Variants in TTC34 observed in about 807,000 individuals in gnomAD.
The protein encoded by TTC34 is tetratricopeptide repeat protein 34.
Under a neutral mutation model 40.7 loss-of-function variants are expected in TTC34, and 44 were observed. The ratio of observed to expected loss-of-function variants is 1.08; its 90% CI spans 0.85 to 1.39. The LOEUF (loss-of-function observed/expected upper bound fraction) is 1.39. TTC34 is among the 40% of genes most tolerant of loss of function. The pLI is 0.00. For missense variants in TTC34, 884 were observed against 838.0 expected, an observed-to-expected ratio of 1.05 and a Z score of -0.68; for synonymous variants, 422 against 398.6, an observed-to-expected ratio of 1.06 and a Z score of -0.70.
intron 6 of TTC34, among the ~76,000 whole-genome samples, chr1:2,683,585 A>C (rs1271828111): frequency 4.1e-5 from 2 of 49,380 alleles, no homozygotes; most frequent in Non-Finnish European, 1.0e-4. Context: ...CTGGAACAGC[A>C]CCCACACACT....
Position 2,755,001 on chromosome 1 carries a change from C to A in TTC34, c.2226+28608G>T, listed in dbSNP as rs1257508305. 4.5e-5 allele frequency among the ~76,000 whole-genome samples: 3 copies of A among 66,008 alleles called. 1 individual carries two copies. Among genetic ancestry groups the A allele is most frequent in the African/African-American group, 1.4e-4 (1 of 7,386 alleles). 43.3% of individuals were successfully genotyped at this position (66,008 alleles called of 152,430 possible). On this transcript the variant is annotated intron_variant, in intron 6 of 8. Transcript: ENST00000401095. Reference sequence around the variant, plus strand: ...ACACCCCCAGGCGAGCATCTCACAGCACGTAACAGCACCCACACACCCAAG... The same window carrying A: ...ACACCCCCAGGCGAGCATCTCACAGAACGTAACAGCACCCACACACCCAAG...
intron 6 of TTC34, among the ~76,000 whole-genome samples, chr1:2,687,537 C>A (rs1446242370): frequency 6.8e-6 from 1 of 146,792 alleles, no homozygotes; most frequent in African/African-American, 2.7e-5. Context: ...CCCAGGTGAG[C>A]ATCTGACAGC....
At chr1:2,751,401 C>CAA in intron 6 of TTC34, among the ~76,000 whole-genome samples, 1 of 148,328 alleles carries the variant, frequency 6.7e-6, no homozygotes, top group Admixed American at 6.8e-5. Flanking sequence ...GGAGCAGCAC[C>CAA]CACACACACA....
At position 2,751,294 on chromosome 1, in the gene TTC34, T is replaced by G. The variant is rs1254972590; in HGVS notation, c.2226+32315A>C. ...CTGGAACAGCACCCACACACCCAGG[T>G]GAGCATCCGACACCGTGGAGCAGAA... On this transcript the variant is annotated intron_variant, in intron 6 of 8. Transcript: ENST00000401095. Among the ~76,000 whole-genome samples, 114 of 114,604 alleles carry G rather than the reference T, an allele frequency of 9.9e-4. 26 individuals carry two copies. The highest frequency in any genetic ancestry group is 2.0e-3 in the Admixed American group (22 of 10,910). 75.2% of individuals were successfully genotyped at this position (114,604 alleles called of 152,430 possible).
chr1:2,796,969 G>A lies in TTC34; in HGVS notation c.784+3075C>T, dbSNP rs1643715033. Among the ~76,000 whole-genome samples the A allele has an allele frequency of 6.6e-6, 1 of 152,044 alleles. No individual in the cohort carries two copies. Among genetic ancestry groups the A allele is most frequent in the South Asian group, 2.1e-4 (1 of 4,820 alleles). On this transcript the variant is annotated intron_variant, in intron 2 of 8. Coordinates refer to ENST00000401095, the Ensembl canonical transcript of TTC34. The surrounding 1 kb of genome is among the most constrained non-coding windows in gnomAD (Gnocchi z 4.5). ...TACGGACATTGTGGCCACTCTCAGG[G>A]CTGCCTACCTGTCTTTATCTTGCAA... is the stretch of plus-strand genomic sequence containing the variant.
rs1213340418 is a variant in TTC34, at chr1:2,751,068, A to G, written c.2226+32541T>C. 6.4e-5 allele frequency among the ~76,000 whole-genome samples: 4 copies of G among 62,792 alleles called. 2 individuals are homozygous for G. Among genetic ancestry groups the G allele is most frequent in the Non-Finnish European group, 1.1e-4 (4 of 34,850 alleles). 41.2% of individuals were successfully genotyped at this position (62,792 alleles called of 152,430 possible). A position where few individuals can be genotyped will look rare whatever the true frequency, so the allele number is the denominator to read the frequency against. ...ACACCCCCAGGTGAGCATCTGACAG[A>G]CTGGAACACCTCCCACATGCCCAGC... On this transcript the variant is annotated intron_variant, in intron 6 of 8. Transcript: ENST00000401095.
At chr1:2,687,211 G>A (rs1219560708) in intron 6 of TTC34, among the ~76,000 whole-genome samples, 4 of 146,118 alleles carry the variant, frequency 2.7e-5, no homozygotes, top group Admixed American at 6.6e-5. Flanking sequence ...ACACCTCCCG[G>A]CGAGCATCCG....
intron 6 of TTC34, chr1:2,774,925 A>G (rs1487359071): frequency 5.6e-4 from 41 of 73,308 alleles, no homozygotes; most frequent in African/African-American, 1.5e-3. Flanking sequence ...GGATCTGACA[A>G]CCTGGAACAG....
At chr1:2,780,438 T>G (rs1176411625) in intron 6 of TTC34, among the ~76,000 whole-genome samples, 2 of 152,230 alleles carry the variant, frequency 1.3e-5, no homozygotes, top group African/African-American at 2.4e-5. Context: ...TGATCCATTT[T>G]GAATTAATTT....
intron 6 of TTC34, among the ~76,000 whole-genome samples, chr1:2,685,170 C>T (rs1177382810): frequency 7.1e-6 from 1 of 141,232 alleles, no homozygotes; most frequent in Non-Finnish European, 1.5e-5. Context: ...CCCACGTGAG[C>T]ATCTGACTGC....
At position 2,752,000 on chromosome 1, in the gene TTC34, G is replaced by C. The variant is rs1249722720; in HGVS notation, c.2226+31609C>G. On this transcript the variant is annotated intron_variant, in intron 6 of 8. Transcript: ENST00000401095. ...GGCGAGCATTTGACAGCCTGGAGCA[G>C]TGCCCACACACCCAGCTGAGCATCT... is the stretch of plus-strand genomic sequence containing the variant. Among the ~76,000 whole-genome samples, 9 of 116,364 alleles carry C rather than the reference G, an allele frequency of 7.7e-5. 3 individuals carry two copies. Among genetic ancestry groups the C allele is most frequent in the African/African-American group, 2.7e-4 (7 of 25,974 alleles). 76.3% of individuals were successfully genotyped at this position (116,364 alleles called of 152,430 possible). A position where few individuals can be genotyped will look rare whatever the true frequency, so the allele number is the denominator to read the frequency against.
intron 6 of TTC34, among the ~76,000 whole-genome samples, chr1:2,649,721 A>G (rs757692581): frequency 4.6e-5 from 7 of 152,164 alleles, no homozygotes; most frequent in African/African-American, 7.2e-5. Flanking sequence ...GGGTTTCACC[A>G]TGTTGACCAG....
chr1:2,685,103 G>C (rs1423010922), intron 6 of TTC34, among the ~76,000 whole-genome samples: 1 of 132,866 alleles, frequency 7.5e-6, no homozygotes, highest in East Asian at 2.2e-4. Context: ...GTGACAGCTT[G>C]GATCAGCACC....
rs1333909590 is a variant in TTC34 at position 2,796,842 on chromosome 1, T to C, written c.784+3202A>G. Among the ~76,000 whole-genome samples, 2 of 152,142 alleles carry C rather than the reference T, an allele frequency of 1.3e-5. No homozygotes were observed. Among genetic ancestry groups the C allele is most frequent in the African/African-American group, 4.8e-5 (2 of 41,428 alleles). Reference sequence around the variant, plus strand: ...TATTTCCAGAAACAAATTTTCCTGCTCACTTTGCAGCTCTCTCTAACTGGT... The same window carrying C: ...TATTTCCAGAAACAAATTTTCCTGCCCACTTTGCAGCTCTCTCTAACTGGT... On this transcript the variant is annotated intron_variant, in intron 2 of 8. Transcript: ENST00000401095. The surrounding 1 kb of genome is among the most constrained non-coding windows in gnomAD (Gnocchi z 4.5).
intron 6 of TTC34, among the ~76,000 whole-genome samples, chr1:2,687,471 G>C (rs1472220714): frequency 4.7e-5 from 7 of 147,412 alleles, no homozygotes; most frequent in African/African-American, 1.9e-4. Flanking sequence ...CGACAGCCTG[G>C]AACAGCACCC....
chr1:2,759,506 GCAGCACCCACACCCCCAGA>G (rs1641621333), intron 6 of TTC34, among the ~76,000 whole-genome samples: 1 of 44,008 alleles, frequency 2.3e-5, no homozygotes, highest in African/African-American at 9.2e-5. Context: ...GCAGCCTGGA[GCAGCACCCACACCCCCAGA>G]TGAGCATCTG....
chr1:2,781,981 T>C (rs1362824484), intron 6 of TTC34, among the ~76,000 whole-genome samples: 1 of 152,236 alleles, frequency 6.6e-6, no homozygotes, highest in African/African-American at 2.4e-5. Context: ...TTTCTTGTAG[T>C]GTCTTTGGCT....
intron 2 of TTC34, among the ~76,000 whole-genome samples, chr1:2,791,793 C>T (rs1017714802): frequency 3.3e-5 from 5 of 151,994 alleles, no homozygotes; most frequent in Admixed American, 2.0e-4. Flanking sequence ...TTTATGTTCC[C>T]ACGTGAAAGG....
chr1:2,755,726 C>G lies in TTC34; in HGVS notation c.2226+27883G>C, dbSNP rs1177245247. Among the ~76,000 whole-genome samples the G allele has an allele frequency of 7.4e-3, 416 of 56,286 alleles. 1 individual carries two copies. Among genetic ancestry groups the G allele is most frequent in the Admixed American group, 0.016 (72 of 4,412 alleles). The allele number at this position is 56,286 out of a possible 152,430, so 36.9% of individuals were successfully genotyped here. ...AACCCACAGGTGAGCATCCGACAGCCTGGAGCAGCACCCACACACCCAGGC... is the reference window on the plus strand; with the variant it reads ...AACCCACAGGTGAGCATCCGACAGCGTGGAGCAGCACCCACACACCCAGGC... On this transcript the variant is annotated intron_variant, in intron 6 of 8. Coordinates refer to ENST00000401095, the Ensembl canonical transcript of TTC34.
Sources: allele counts gnomAD v4.1 joint callset (sites outside exome capture counted in the v4.1 genomes callset), GRCh38; gene constraint gnomAD v4.1.1; non-coding constraint Gnocchi (gnomAD v3.1); transcripts MANE v1.5; gene names NCBI Gene and HGNC (gene_info 2026-07-23, HGNC 2026-07-21).